The following BCR variants were observed in gnomAD, a reference collection of about 807,000 sequenced individuals.
The protein encoded by BCR is breakpoint cluster region protein.
BCR carries 58 observed loss-of-function variants against 138.6 expected under a neutral mutation model. That is an observed-to-expected ratio of 0.42 (90% CI 0.34 to 0.52). BCR has a LOEUF of 0.52. BCR is among the 20% of genes least tolerant of loss of function. BCR has a pLI of 0.06. For missense variants in BCR, 1,599 were observed against 1,727.2 expected (o/e 0.93, Z 1.32); for synonymous variants, 786 against 730.1 (o/e 1.08, Z -1.23).
At chr22:23,198,459 C>A (rs2072508824) in intron 1 of BCR, 6 of 376,046 alleles carry the variant, frequency 1.6e-5, no homozygotes, top group South Asian at 1.2e-4. Context: ...TGCTGAACAG[C>A]TATCAGGGTG....
At chr22:23,205,751 G>A (rs2072605692) in intron 1 of BCR, among the ~76,000 whole-genome samples, 1 of 151,692 alleles carries the variant, frequency 6.6e-6, no homozygotes, top group South Asian at 2.1e-4. Flanking sequence ...AGGCAAAATC[G>A]ATGCTACTTT....
intron 1 of BCR, among the ~76,000 whole-genome samples, chr22:23,188,512 A>G (rs901161462): frequency 6.6e-6 from 1 of 152,214 alleles, no homozygotes; most frequent in African/African-American, 2.4e-5. Context: ...GCTTGAGCAC[A>G]CTTGGGAGAG....
At chr22:23,190,308 C>T (rs528853399) in intron 1 of BCR, among the ~76,000 whole-genome samples, 2 of 152,276 alleles carry the variant, frequency 1.3e-5, no homozygotes, top group South Asian at 4.1e-4. Flanking sequence ...GCTGGGATTA[C>T]AGGTGCCTGC....
intron 1 of BCR, chr22:23,198,366 C>T: frequency 4.5e-6 from 2 of 448,812 alleles, no homozygotes; most frequent in South Asian, 3.2e-5. Flanking sequence ...GAGATTATTC[C>T]AAGTAGGGGC....
chr22:23,284,562 G>A (rs1357789148), intron 9 of BCR, among the ~76,000 whole-genome samples: 2 of 152,210 alleles, frequency 1.3e-5, no homozygotes, highest in South Asian at 4.1e-4. Flanking sequence ...GGAAGGACCA[G>A]CACGGGGCTC....
intron 8 of BCR, among the ~76,000 whole-genome samples, chr22:23,278,151 C>T (rs1487051116): frequency 6.6e-6 from 1 of 152,246 alleles, no homozygotes; most frequent in African/African-American, 2.4e-5. Context: ...AGCCTTGGCA[C>T]CACGTGCTGC....
intron 1 of BCR, among the ~76,000 whole-genome samples, chr22:23,237,404 A>T (rs1371705201): frequency 1.3e-5 from 2 of 152,190 alleles, no homozygotes; most frequent in Non-Finnish European, 2.9e-5. Flanking sequence ...AACAGGTGGG[A>T]TCTGGACCAG....
chr22:23,255,644 G>T (rs2073285219), intron 2 of BCR, among the ~76,000 whole-genome samples: 1 of 152,180 alleles, frequency 6.6e-6, no homozygotes, highest in Non-Finnish European at 1.5e-5. Context: ...AAGCTGATCT[G>T]CCCACTCAGT....
chr22:23,242,136 C>T (rs184769755), intron 1 of BCR, among the ~76,000 whole-genome samples: 8 of 152,262 alleles, frequency 5.3e-5, no homozygotes, highest in African/African-American at 1.9e-4. Flanking sequence ...GAGTCAAGTC[C>T]AGACAAGTGG....
intron 1 of BCR, among the ~76,000 whole-genome samples, chr22:23,248,866 C>T (rs948384293): frequency 1.3e-5 from 2 of 152,190 alleles, no homozygotes; most frequent in Non-Finnish European, 2.9e-5. Context: ...AAGGGTGAGG[C>T]GGCCCAGAGA....
At position 23,260,800 on chromosome 22, in the gene BCR, C is replaced by T. The variant is rs964037015; in HGVS notation, c.1462-150C>T. ...GTGTGGCTTAGTATGTGCGGAGGGT[C>T]CCCTGCCTCCCTTTAATTCCATGTG... On this transcript the variant is annotated intron_variant, in intron 2 of 22. Transcript: ENST00000305877. The T allele has an allele frequency of 6.8e-6, 5 of 730,568 alleles. No individual in the cohort carries two copies. The African/African-American group carries it at 6.9e-5, about 10-fold the overall frequency. 45.3% of individuals were successfully genotyped at this position (730,568 alleles called of 1,614,324 possible).
At chr22:23,314,881 G>A (rs749655553) in intron 22 of BCR, among the ~76,000 whole-genome samples, 167 bp downstream of exon 22, 114 of 152,312 alleles carry the variant, frequency 7.5e-4, no homozygotes, top group Non-Finnish European at 1.3e-3. Context: ...TGATAGTGGG[G>A]GCCCAGGCCA....
chr22:23,282,227 C>T (rs1329193867), intron 8 of BCR, among the ~76,000 whole-genome samples: 1 of 152,242 alleles, frequency 6.6e-6, no homozygotes, highest in Non-Finnish European at 1.5e-5. Flanking sequence ...TTGGGTTACC[C>T]GGCTTCAGCG....
chr22:23,304,453 T>A (rs1027853739), intron 16 of BCR, among the ~76,000 whole-genome samples: 3 of 152,334 alleles, frequency 2.0e-5, no homozygotes, highest in Non-Finnish European at 4.4e-5. Flanking sequence ...TGCATACATA[T>A]AACATGTTTT....
chr22:23,264,090 A>T (rs538349105), intron 4 of BCR: 1 of 1,398,400 alleles, frequency 7.2e-7, no homozygotes, highest in Non-Finnish European at 1.0e-6. Context: ...CTGCCGCACC[A>T]GTGTCCGGAA....
chr22:23,287,360 T>A, intron 11 of BCR, 82 bp downstream of exon 11: 4 of 1,453,626 alleles, frequency 2.8e-6, no homozygotes, highest in Non-Finnish European at 3.6e-6. Flanking sequence ...GCGTTTTCAC[T>A]TGGATGCGCC....
At chr22:23,312,821 G>A (rs1254030140) in intron 19 of BCR, 66 bp from the exon 20 acceptor site, 6 of 1,587,934 alleles carry the variant, frequency 3.8e-6, no homozygotes, top group Non-Finnish European at 5.1e-6. Context: ...TTTAGCCAAG[G>A]CAGGGATGGT....
In BCR at chr22:23,181,503, G is replaced by A; in HGVS notation, c.543G>A (p.Glu181=). ...AGAAGCCCTTCTACGTGAACGTCGA[G>A]TTTCACCACGAGCGCGGCCTGGTGA... ...DAEKPFYVNV[E]FHHERGLVKV... Residue 181 remains glutamate (E), a synonymous_variant, in exon 1 of 23, where the codon GAG becomes GAA. Coordinates refer to ENST00000305877, the MANE Select transcript of BCR (RefSeq NM_004327.4). The A allele has an allele frequency of 6.2e-7, 1 of 1,612,396 alleles. No individual in the cohort carries two copies. The highest frequency in any genetic ancestry group is 8.5e-7 in the Non-Finnish European group (1 of 1,179,536).
chr22:23,257,681 G>C (rs1410055766), intron 2 of BCR, among the ~76,000 whole-genome samples: 2 of 152,192 alleles, frequency 1.3e-5, no homozygotes, highest in Non-Finnish European at 2.9e-5. Context: ...CATTCATGAT[G>C]GGCAGAGAGG....
Sources: gnomAD v4.1 joint callset for allele counts (sites outside exome capture counted in the v4.1 genomes callset) on GRCh38, gnomAD v4.1.1 for gene constraint, MANE v1.5 for transcripts, NCBI Gene and HGNC (gene_info 2026-07-23, HGNC 2026-07-21) for gene names.